WFDC9: variants seen among roughly 807,000 people sequenced by gnomAD.
WFDC9 encodes protein WFDC9.
Under a neutral mutation model 9.5 loss-of-function variants are expected in WFDC9, and 9 were observed. The ratio of observed to expected loss-of-function variants is 0.95; its 90% confidence interval spans 0.57 to 1.65. The LOEUF is 1.65. Among genes scored for constraint, WFDC9 ranks in the 40% most tolerant of loss-of-function variants. The pLI is 0.00. For missense variants in WFDC9, 87 were observed against 106.7 expected (o/e 0.82, Z 0.81); for synonymous variants, 33 against 32.3 (o/e 1.02, Z -0.07).
At chr20:45,613,774 C>T (rs1422456778) in intron 2 of WFDC9, among the ~76,000 whole-genome samples, 1 of 152,194 alleles carries the variant, frequency 6.6e-6, no homozygotes, top group African/African-American at 2.4e-5. Context: ...TTCCTTGAGC[C>T]TGAGTCCTTG....
chr20:45,614,120 T>TTTTC (rs750008151), intron 2 of WFDC9, among the ~76,000 whole-genome samples: 45 of 152,262 alleles, frequency 3.0e-4, no homozygotes, highest in Admixed American at 1.5e-3. Flanking sequence ...CTTACTCTAG[T>TTTTC]TTTCTTTCTT....
At chr20:45,628,695 A>T (rs530903439) in intron 1 of WFDC9, among the ~76,000 whole-genome samples, 54 of 152,202 alleles carry the variant, frequency 3.5e-4, no homozygotes, top group Non-Finnish European at 4.6e-4. Context: ...AAGGTGCATA[A>T]GGTGAGATAT....
At chr20:45,628,797 T>C (rs1030785483) in intron 1 of WFDC9, among the ~76,000 whole-genome samples, 1 of 152,194 alleles carries the variant, frequency 6.6e-6, no homozygotes, top group African/African-American at 2.4e-5. Flanking sequence ...AGAAAGAGGT[T>C]CAAATCTTTA....
chr20:45,628,224 A>T (rs1231446234), intron 1 of WFDC9, among the ~76,000 whole-genome samples: 1 of 152,236 alleles, frequency 6.6e-6, no homozygotes, highest in African/African-American at 2.4e-5. Context: ...CAAAATGAGT[A>T]TTCTAAAACA....
At chr20:45,615,629 T>C (rs1047960254) in intron 1 of WFDC9, among the ~76,000 whole-genome samples, 1 of 152,196 alleles carries the variant, frequency 6.6e-6, no homozygotes, top group African/African-American at 2.4e-5. Context: ...TATATTTATT[T>C]AAACTAGAAA....
intron 1 of WFDC9, among the ~76,000 whole-genome samples, chr20:45,615,824 C>T (rs990735065): frequency 1.3e-5 from 2 of 152,152 alleles, no homozygotes; most frequent in Non-Finnish European, 2.9e-5. Flanking sequence ...GGTATGTTTA[C>T]ACTATGCTGT....
At chr20:45,618,337 C>T (rs1772231861) in intron 1 of WFDC9, among the ~76,000 whole-genome samples, 1 of 152,186 alleles carries the variant, frequency 6.6e-6, no homozygotes, top group Non-Finnish European at 1.5e-5. Flanking sequence ...AGCTGTTTTG[C>T]TTTCTTATCG....
intron 1 of WFDC9, chr20:45,630,838 GCGTTTATTTA>G: frequency 6.4e-7 from 1 of 1,553,512 alleles, no homozygotes; most frequent in Non-Finnish European, 8.7e-7. Flanking sequence ...CTAGGAAACT[GCGTTTATTTA>G]CCGTTCTATT....
At chr20:45,624,213 C>T (rs902891542) in intron 1 of WFDC9, among the ~76,000 whole-genome samples, 8 of 152,180 alleles carry the variant, frequency 5.3e-5, no homozygotes, top group East Asian at 3.9e-4. Context: ...AAATCTCTCC[C>T]TATCTTCCCC....
At position 45,630,631 on chromosome 20, in the gene WFDC9, A is replaced by G. The variant is rs1177438206; in HGVS notation, c.-153+572T>C. On this transcript the variant is annotated intron_variant, in intron 1 of 4. Transcript: ENST00000326000. ...GAGTTCTGATTGCTGGTGTGTGGAG[A>G]AGGTCCAGGAAGCCCAGGCATTGTG... 2.0e-5 allele frequency among the ~76,000 whole-genome samples: 3 copies of G among 152,094 alleles called. 1 individual carries two copies. The highest frequency in any genetic ancestry group is 6.8e-3 in the Middle Eastern group (2 of 292).
rs757629986 is a variant in WFDC9, at chr20:45,608,803, A to G, written c.99T>C (p.Asp33=). The change falls in exon 4 of 5, where the codon GAT becomes GAC. Residue 33 remains aspartate (D), a synonymous_variant. Transcript: ENST00000326000. The part of the protein sequence containing the change: ...GSFWNKDPFL[D]MIRETEQCWV... ...AGCACTGCTCAGTTTCTCTTATCAT[A>G]TCTAGAACTGAGATGGAAGAAGTTA... is the stretch of plus-strand genomic sequence containing the variant. 1 of 1,610,324 alleles carries G rather than the reference A, an allele frequency of 6.2e-7. No individual in the cohort carries two copies. The highest frequency in any genetic ancestry group is 8.5e-7 in the Non-Finnish European group (1 of 1,178,432).
At chr20:45,619,071 C>A (rs768020729) in intron 1 of WFDC9, among the ~76,000 whole-genome samples, 15 of 152,010 alleles carry the variant, frequency 9.9e-5, no homozygotes, top group Non-Finnish European at 2.1e-4. Context: ...AGCTTTGGAA[C>A]CAAGGTAAAA....
At chr20:45,631,023 G>C (rs752105861) in intron 1 of WFDC9, 180 bp downstream of exon 1, 2 of 1,593,694 alleles carry the variant, frequency 1.3e-6, no homozygotes, top group South Asian at 2.3e-5. Flanking sequence ...CTGTGAGTGG[G>C]AGAGTGGGCT....
rs754915244 is a variant in WFDC9, at chr20:45,614,728, G to A, written c.-152-7C>T. On this transcript the variant is annotated splice_region_variant and splice_polypyrimidine_tract_variant and intron_variant, in intron 1 of 4. Coordinates refer to ENST00000326000, the MANE Select transcript of WFDC9 (RefSeq NM_147198.4). ...GTTTGAAGTGGGGCTCGAACTGGGG[G>A]CAGAAGAGCAGAAAAACAATGTTCA... 9 of 152,170 alleles carry A rather than the reference G, an allele frequency of 5.9e-5. No homozygotes were observed. Among genetic ancestry groups the A allele is most frequent in the Non-Finnish European group, 1.2e-4 (8 of 68,040 alleles). The allele number at this position is 152,170 out of a possible 1,614,324, so 9.4% of individuals were successfully genotyped here.
chr20:45,629,720 T>C (rs572640343), intron 1 of WFDC9: 16 of 1,464,632 alleles, frequency 1.1e-5, no homozygotes, highest in Middle Eastern at 1.7e-4. Flanking sequence ...CTAAAGATCA[T>C]TCCTTCTTTC....
At chr20:45,630,810 G>T in intron 1 of WFDC9, 1 of 1,502,294 alleles carries the variant, frequency 6.7e-7, no homozygotes. Flanking sequence ...GGAGGCTTCA[G>T]CTTGAGAAAA....
chr20:45,624,441 T>C (rs1337681997), intron 1 of WFDC9, among the ~76,000 whole-genome samples: 1 of 152,036 alleles, frequency 6.6e-6, no homozygotes, highest in African/African-American at 2.4e-5. Flanking sequence ...TATATTTGTA[T>C]CATAGTTTCT....
intron 3 of WFDC9, among the ~76,000 whole-genome samples, chr20:45,609,839 G>T (rs1357420951): frequency 6.6e-6 from 1 of 152,156 alleles, no homozygotes; most frequent in Non-Finnish European, 1.5e-5. Flanking sequence ...TCTGATATTG[G>T]AAAATATTAT....
chr20:45,610,031 C>A, intron 3 of WFDC9, 60 bp downstream of exon 3: 2 of 1,367,068 alleles, frequency 1.5e-6, no homozygotes, highest in Non-Finnish European at 2.1e-6. Flanking sequence ...GGCCCTGGAT[C>A]AGCTACAATA....
Sources: allele counts gnomAD v4.1 joint callset (sites outside exome capture counted in the v4.1 genomes callset), GRCh38; gene constraint gnomAD v4.1.1; transcripts MANE v1.5; gene names NCBI Gene and HGNC (gene_info 2026-07-23, HGNC 2026-07-21).